Variants in TMC5 observed in about 807,000 individuals in gnomAD.
TMC5 encodes transmembrane channel-like protein 5.
Under a neutral mutation model 110.5 loss-of-function variants are expected in TMC5, and 86 were observed. The observed-to-expected ratio is 0.78, with a 90% CI of 0.65 to 0.93. TMC5 has a LOEUF of 0.93. Among genes scored for constraint, TMC5 ranks in the 40% least tolerant of loss-of-function variants. The pLI is 0.00. For synonymous variants in TMC5, 455 were observed against 439.5 expected (o/e 1.04, Z -0.44); for missense variants, 1,144 against 1,222.8 (o/e 0.94, Z 0.96).
intron 4 of TMC5, among the ~76,000 whole-genome samples, chr16:19,444,830 C>G (rs569719828): frequency 6.6e-6 from 1 of 152,326 alleles, no homozygotes; most frequent in African/African-American, 2.4e-5. Flanking sequence ...ACAAAAGTGC[C>G]ACATCAAGAC....
Position 19,459,113 on chromosome 16 carries a change from A to G in TMC5, c.1049-1122A>G, listed in dbSNP as rs1352911712. Among the ~76,000 whole-genome samples the G allele has an allele frequency of 3.3e-5, 5 of 151,514 alleles. No individual in the cohort carries two copies. In the East Asian group the frequency reaches 9.7e-4, roughly 29 times the overall value. ...TCTCAGCACACACCTCTCAGAGGAC[A>G]TTGGCTAATGCTGTGTCACATGCCT... On this transcript the variant is annotated intron_variant, in intron 5 of 21. Transcript: ENST00000542583.
rs926385839 is a variant in TMC5 at position 19,469,814 on chromosome 16, A to G, written c.1771A>G (p.Thr591Ala). The G allele has an allele frequency of 2.5e-6, 4 of 1,614,014 alleles. No individual in the cohort carries two copies. Among genetic ancestry groups the G allele is most frequent in the Non-Finnish European group, 3.4e-6 (4 of 1,179,984 alleles). Reference protein sequence around the residue: ...AVKLKQKNLSTEIRENLSELR... With the variant: ...AVKLKQKNLSAEIRENLSELR... ...GAAGCTAAAACAGAAGAATCTTAGC[A>G]CTGAGATAAGGGTAAGGCGAGCTCA... Residue 591 changes from threonine to alanine, a missense_variant, in exon 10 of 22, where the codon ACT (threonine) becomes GCT (alanine). Physicochemically the swap from Thr to Ala is moderately conservative, Grantham distance 58. Transcript: ENST00000542583.
chr16:19,437,777 T>C (rs1029315460), intron 2 of TMC5, among the ~76,000 whole-genome samples: 2 of 152,222 alleles, frequency 1.3e-5, no homozygotes, highest in Non-Finnish European at 2.9e-5. Flanking sequence ...TTTTCTGCCC[T>C]ACTAATTACT....
chr16:19,419,402 G>GGT (rs1966928487), intron 1 of TMC5, among the ~76,000 whole-genome samples: 18 of 65,648 alleles, frequency 2.7e-4, no homozygotes, highest in Non-Finnish European at 1.7e-4. Flanking sequence ...GAATGTGTTG[G>GGT]TTTTTTTTTT....
chr16:19,471,201 C>T (rs961527068), intron 10 of TMC5, among the ~76,000 whole-genome samples: 24 of 152,066 alleles, frequency 1.6e-4, no homozygotes, highest in Admixed American at 1.4e-3. Flanking sequence ...TTAGCCTCTC[C>T]CACCTCAGCC....
At chr16:19,443,906 T>C (rs1967548659) in intron 3 of TMC5, among the ~76,000 whole-genome samples, 175 bp from the exon 4 acceptor site, 1 of 151,826 alleles carries the variant, frequency 6.6e-6, no homozygotes, top group Non-Finnish European at 1.5e-5. Flanking sequence ...AATGGATGGA[T>C]AAATACATGA....
intron 5 of TMC5, among the ~76,000 whole-genome samples, chr16:19,451,263 G>A (rs74013786): frequency 0.071 from 10,746 of 152,154 alleles, 775 homozygotes; most frequent in African/African-American, 0.19. Flanking sequence ...ACAATGATGC[G>A]TGTGGAGAGA....
intron 12 of TMC5, chr16:19,474,979 C>G (rs1173893219): frequency 1.3e-5 from 2 of 152,206 alleles, no homozygotes; most frequent in Non-Finnish European, 2.9e-5. Context: ...TCACTGGCAC[C>G]CATGGGGTGC....
rs1016643536 is a variant in TMC5 at position 19,498,844 on chromosome 16, T to G, written c.*878T>G. 4.6e-5 allele frequency: 7 copies of G among 152,084 alleles called. No homozygotes were observed. The highest frequency in any genetic ancestry group is 2.9e-5 in the Non-Finnish European group (2 of 68,038). The allele number at this position is 152,084 out of a possible 1,614,324, so 9.4% of individuals were successfully genotyped here. Reference sequence around the variant, plus strand: ...GGGAGGCTGAGGCAAGCGGATCACTTAATGTCAGGAGTTCAAGACCAGCCT... The same window carrying G: ...GGGAGGCTGAGGCAAGCGGATCACTGAATGTCAGGAGTTCAAGACCAGCCT... On this transcript the variant is annotated 3_prime_UTR_variant, in exon 22 of 22. Coordinates refer to ENST00000542583, the MANE Select transcript of TMC5 (RefSeq NM_001261841.2).
chr16:19,450,719 ACACTTGAGCCAAT>A (rs1967729477), intron 5 of TMC5, among the ~76,000 whole-genome samples: 1 of 152,206 alleles, frequency 6.6e-6, no homozygotes, highest in South Asian at 2.1e-4. Context: ...GCACATGCCT[ACACTTGAGCCAAT>A]CATTTTTACC....
intron 4 of TMC5, among the ~76,000 whole-genome samples, chr16:19,447,746 G>T (rs1967645964): frequency 6.6e-6 from 1 of 151,898 alleles, no homozygotes; most frequent in African/African-American, 2.4e-5. Flanking sequence ...TAGAGACAGG[G>T]TTATGCCATG....
At chr16:19,491,638 C>A (rs1233599799) in intron 18 of TMC5, among the ~76,000 whole-genome samples, 1 of 149,966 alleles carries the variant, frequency 6.7e-6, no homozygotes, top group African/African-American at 2.5e-5. Context: ...TGGGTTCATG[C>A]CATTCTCCTG....
intron 1 of TMC5, chr16:19,411,252 CA>C (rs1966855158): frequency 6.6e-6 from 1 of 152,204 alleles, no homozygotes; most frequent in Non-Finnish European, 1.5e-5. Context: ...GTGTGTTGTG[CA>C]TCTCTGGACA....
intron 19 of TMC5, among the ~76,000 whole-genome samples, chr16:19,493,051 T>G (rs903843664): frequency 1.3e-5 from 2 of 150,766 alleles, no homozygotes; most frequent in Non-Finnish European, 3.0e-5. Context: ...AACCTCCGCC[T>G]CCCGGGTTCA....
chr16:19,437,833 A>G (rs1032288503), intron 2 of TMC5, among the ~76,000 whole-genome samples: 3 of 152,128 alleles, frequency 2.0e-5, no homozygotes, highest in Non-Finnish European at 2.9e-5. Flanking sequence ...CTCCAGGCTT[A>G]TGTATATATT....
At chr16:19,412,452 G>A (rs1966858036) in intron 1 of TMC5, among the ~76,000 whole-genome samples, 1 of 151,580 alleles carries the variant, frequency 6.6e-6, no homozygotes, top group Non-Finnish European at 1.5e-5. Context: ...TGCAACCGCT[G>A]TCTCCCAGGT....
At chr16:19,471,819 G>C (rs1280192104) in intron 10 of TMC5, among the ~76,000 whole-genome samples, 1 of 152,148 alleles carries the variant, frequency 6.6e-6, no homozygotes, top group African/African-American at 2.4e-5. Flanking sequence ...GGAGTGCAGT[G>C]GTGCCATCTC....
chr16:19,463,075 C>T (rs1968069104), intron 6 of TMC5, among the ~76,000 whole-genome samples: 1 of 151,948 alleles, frequency 6.6e-6, no homozygotes, highest in African/African-American at 2.4e-5. Context: ...CCAACACACC[C>T]AGCTATTTTT....
At chr16:19,493,463 C>CTT (rs1555486904) in intron 19 of TMC5, among the ~76,000 whole-genome samples, 1,748 of 57,792 alleles carry the variant, frequency 0.03, 28 homozygotes, top group African/African-American at 0.084. Flanking sequence ...CTCTCTCTCT[C>CTT]TCTTTTTTTT....
Sources: gnomAD v4.1 joint callset for allele counts (sites outside exome capture counted in the v4.1 genomes callset) on GRCh38, gnomAD v4.1.1 for gene constraint, MANE v1.5 for transcripts, NCBI Gene and HGNC (gene_info 2026-07-23, HGNC 2026-07-21) for gene names.